Variants in LNPEP observed in about 807,000 individuals in gnomAD.
LNPEP encodes the protein leucyl-cystinyl aminopeptidase.
In LNPEP, 64 loss-of-function variants were observed where a neutral mutation model predicts 120.6. The ratio of observed to expected loss-of-function variants is 0.53; its 90% confidence interval spans 0.43 to 0.65. LNPEP has a LOEUF of 0.65. Ranked by LOEUF, LNPEP falls within the 30% of genes least tolerant of loss-of-function variation. The pLI, the probability that LNPEP is intolerant of heterozygous loss-of-function variation, is 0.00. For missense variants in LNPEP, 1,057 were observed against 1,200.0 expected (o/e 0.88, Z 1.76); for synonymous variants, 435 against 425.4 (o/e 1.02, Z -0.28).
chr5:96,997,063 T>C (rs1362790119), intron 7 of LNPEP, among the ~76,000 whole-genome samples: 1 of 152,058 alleles, frequency 6.6e-6, no homozygotes, highest in Non-Finnish European at 1.5e-5. Context: ...TACAGAGAAG[T>C]ATAATAGTGG....
intron 5 of LNPEP, 126 bp from the exon 6 acceptor site, chr5:96,993,691 T>A: frequency 4.4e-6 from 4 of 906,914 alleles, no homozygotes; most frequent in Admixed American, 4.5e-5. Context: ...ATAAGGAAGA[T>A]TCCATTTATT....
intron 1 of LNPEP, among the ~76,000 whole-genome samples, chr5:96,977,523 G>C (rs13167632): frequency 6.6e-6 from 1 of 152,098 alleles, no homozygotes; most frequent in Non-Finnish European, 1.5e-5. Flanking sequence ...TTAAGTGCAC[G>C]TGAGCACCCG....
intron 8 of LNPEP, among the ~76,000 whole-genome samples, chr5:97,000,660 C>T (rs1215238074): frequency 6.6e-6 from 1 of 152,204 alleles, no homozygotes; most frequent in Non-Finnish European, 1.5e-5. Flanking sequence ...GAATTAAGTG[C>T]ATCCTGCATG....
chr5:96,985,199 C>A lies in LNPEP; in HGVS notation c.980C>A (p.Ala327Asp), dbSNP rs1346190145. 1 of 1,613,680 alleles carries A rather than the reference C, an allele frequency of 6.2e-7. No individual in the cohort carries two copies. Among genetic ancestry groups the A allele is most frequent in the South Asian group, 1.1e-5 (1 of 91,054 alleles). Reference sequence around the variant, plus strand: ...ATCATAAGGGATGAGCAATACACCGCTTTATCAAATATGCCTAAGGTACTG... The same window carrying A: ...ATCATAAGGGATGAGCAATACACCGATTTATCAAATATGCCTAAGGTACTG... ...IKIIRDEQYT[A>D]LSNMPKKSSV... The change falls in exon 3 of 18, where the codon GCT (alanine) becomes GAT (aspartate). Residue 327 changes from alanine to aspartate, a missense_variant. Physicochemically the swap from Ala to Asp is moderately radical, Grantham distance 126. Coordinates refer to ENST00000231368, the MANE Select transcript of LNPEP (RefSeq NM_005575.3).
chr5:96,954,433 T>G (rs1390145313), intron 1 of LNPEP, among the ~76,000 whole-genome samples: 5 of 151,976 alleles, frequency 3.3e-5, no homozygotes, highest in African/African-American at 1.2e-4. Context: ...CTTGTATGGT[T>G]CCTTTGTGTG....
intron 1 of LNPEP, among the ~76,000 whole-genome samples, chr5:96,944,120 G>T (rs1229366928): frequency 6.6e-6 from 1 of 152,212 alleles, no homozygotes; most frequent in East Asian, 1.9e-4. Context: ...GTGTCATTCA[G>T]TGCCATAGAG....
chr5:96,953,225 A>C (rs1789367100), intron 1 of LNPEP, among the ~76,000 whole-genome samples: 1 of 152,206 alleles, frequency 6.6e-6, no homozygotes, highest in Admixed American at 6.5e-5. Flanking sequence ...TAAGCTACAC[A>C]CTGATTTTCA....
chr5:97,004,745 A>ACTTTC (rs1790738400), intron 9 of LNPEP, among the ~76,000 whole-genome samples: 1 of 152,156 alleles, frequency 6.6e-6, no homozygotes, highest in African/African-American at 2.4e-5. Context: ...CCCAGAAGAT[A>ACTTTC]TACCTTCCCT....
intron 4 of LNPEP, among the ~76,000 whole-genome samples, chr5:96,987,184 AG>A (rs1437535100): frequency 6.6e-6 from 1 of 152,122 alleles, no homozygotes; most frequent in African/African-American, 2.4e-5. Flanking sequence ...TATTTAGTTA[AG>A]GGTCTGGTTT....
chr5:96,996,745 T>C (rs183696459), intron 7 of LNPEP, among the ~76,000 whole-genome samples: 6 of 152,252 alleles, frequency 3.9e-5, no homozygotes, highest in Non-Finnish European at 7.4e-5. Context: ...TTTTTGTCAT[T>C]AAGATGAACA....
Position 96,996,554 on chromosome 5 carries a change from T to A in LNPEP, c.1521+51T>A, listed in dbSNP as rs758725786. The A allele has an allele frequency of 7.7e-6, 7 of 913,556 alleles. No homozygotes were observed. In the African/African-American group the frequency reaches 9.9e-5, roughly 13 times the overall value. The allele number at this position is 913,556 out of a possible 1,614,324, so 56.6% of individuals were successfully genotyped here. On this transcript the variant is annotated intron_variant, in intron 7 of 17. Coordinates refer to ENST00000231368, the MANE Select transcript of LNPEP (RefSeq NM_005575.3). ...CTATGAATGCTAGGAGGAAAAATAG[T>A]CAAATCACATTTTCATGTATTTTCT...
intron 1 of LNPEP, among the ~76,000 whole-genome samples, chr5:96,939,605 T>C (rs544600773): frequency 7.5e-6 from 1 of 133,932 alleles, no homozygotes; most frequent in South Asian, 2.3e-4. Context: ...ACATAAATAG[T>C]TTTTTTTTTC....
chr5:96,973,706 G>A (rs995016986), intron 1 of LNPEP, among the ~76,000 whole-genome samples: 8 of 152,098 alleles, frequency 5.3e-5, no homozygotes, highest in Non-Finnish European at 8.8e-5. Context: ...GTTTCACAGG[G>A]AGCCCTGGAA....
At chr5:96,936,336 A>T in intron 1 of LNPEP, 162 bp downstream of exon 1, 54 of 122,250 alleles carry the variant, frequency 4.4e-4, no homozygotes, top group East Asian at 8.0e-4. Flanking sequence ...GGAGGCAGGG[A>T]GGTTCGGGGG....
At chr5:96,941,923 G>A (rs777780193) in intron 1 of LNPEP, among the ~76,000 whole-genome samples, 8 of 152,190 alleles carry the variant, frequency 5.3e-5, no homozygotes, top group Non-Finnish European at 1.0e-4. Flanking sequence ...CTTGATCCTT[G>A]CAAGTCTTTG....
intron 1 of LNPEP, among the ~76,000 whole-genome samples, chr5:96,968,584 C>T (rs901773510): frequency 4.0e-5 from 6 of 151,700 alleles, no homozygotes; most frequent in Non-Finnish European, 7.4e-5. Context: ...CTATGTATGG[C>T]GTACTCTTTT....
chr5:97,000,820 T>C (rs1165572190), intron 8 of LNPEP, among the ~76,000 whole-genome samples: 2 of 152,220 alleles, frequency 1.3e-5, no homozygotes, highest in East Asian at 3.8e-4. Context: ...CTGTGAATCC[T>C]TCTAGTGCAT....
In LNPEP at chr5:96,955,663, A is replaced by G. The variant is rs372935187; in HGVS notation, c.19+19489A>G. On this transcript the variant is annotated intron_variant, in intron 1 of 17. Coordinates refer to ENST00000231368, the MANE Select transcript of LNPEP (RefSeq NM_005575.3). ...ATTGGTGAATAGTATTCCACTGTAC[A>G]GATCTACCATAATTGTTTATTCACT... Among the ~76,000 whole-genome samples the G allele has an allele frequency of 2.6e-4, 39 of 152,364 alleles. 1 individual carries two copies. Among genetic ancestry groups the G allele is most frequent in the East Asian group, 2.5e-3 (13 of 5,190 alleles).
At chr5:97,012,351 A>C (rs911341187) in intron 11 of LNPEP, among the ~76,000 whole-genome samples, 4 of 152,058 alleles carry the variant, frequency 2.6e-5, no homozygotes, top group African/African-American at 9.7e-5. Context: ...TCTTATCTCT[A>C]CTCTTCTTTT....
Sources: allele counts gnomAD v4.1 joint callset (sites outside exome capture counted in the v4.1 genomes callset), GRCh38; gene constraint gnomAD v4.1.1; transcripts MANE v1.5; gene names NCBI Gene and HGNC (gene_info 2026-07-23, HGNC 2026-07-21).